Variants in ADAM7 observed in about 807,000 individuals in gnomAD.
The protein encoded by ADAM7 is disintegrin and metalloproteinase domain-containing protein 7.
Under a neutral mutation model 102.9 loss-of-function variants are expected in ADAM7, and 97 were observed. The observed-to-expected ratio is 0.94, with a 90% CI of 0.80 to 1.12. ADAM7 has a LOEUF of 1.12. Ranked by LOEUF, ADAM7 falls within the 50% of genes most tolerant of loss-of-function variation. The probability of loss-of-function intolerance (pLI) is 0.00; values close to 1 mark genes in which losing one functional copy is unlikely to be tolerated. For missense variants in ADAM7, 991 were observed against 908.7 expected, an observed-to-expected ratio of 1.09 and a Z score of -1.16; for synonymous variants, 334 against 304.4, an observed-to-expected ratio of 1.10 and a Z score of -1.01.
chr8:24,489,499 C>A (rs1015068117), intron 12 of ADAM7, among the ~76,000 whole-genome samples, 166 bp downstream of exon 12: 2 of 152,096 alleles, frequency 1.3e-5, no homozygotes, highest in African/African-American at 4.8e-5. Context: ...ATTGGTGCAG[C>A]CTCATTCCAG....
Position 24,447,236 on chromosome 8 carries a change from CT to C in ADAM7, c.209del (p.Leu70Ter). On this transcript the variant is annotated frameshift_variant, in exon 3 of 22. Coordinates refer to ENST00000175238, the MANE Select transcript of ADAM7 (RefSeq NM_003817.4). LOFTEE classifies it high-confidence loss of function. ...LYEIKLNRKT[L>X]VLHLLRSREF... ...ATGAAATAAAACTAAATAGAAAAACCTTAGTCCTTCATCTTCTAAGATCCAG... is the reference window on the plus strand; with the variant it reads ...ATGAAATAAAACTAAATAGAAAAACCTAGTCCTTCATCTTCTAAGATCCAG... The C allele has an allele frequency of 6.5e-7, 1 of 1,528,362 alleles. No individual in the cohort carries two copies. 94.7% of individuals were successfully genotyped at this position (1,528,362 alleles called of 1,614,324 possible).
intron 7 of ADAM7, among the ~76,000 whole-genome samples, chr8:24,474,205 C>T (rs1316887835): frequency 1.3e-5 from 2 of 152,032 alleles, no homozygotes; most frequent in East Asian, 3.9e-4. Flanking sequence ...TATAATTAAC[C>T]TATGAACAAA....
At chr8:24,481,631 C>G (rs1449515590) in intron 8 of ADAM7, among the ~76,000 whole-genome samples, 1 of 152,148 alleles carries the variant, frequency 6.6e-6, no homozygotes, top group Admixed American at 6.6e-5. Flanking sequence ...TTAGAGCAAC[C>G]CCTAATGACA....
At chr8:24,463,187 A>T (rs1819308103) in intron 3 of ADAM7, among the ~76,000 whole-genome samples, 1 of 152,184 alleles carries the variant, frequency 6.6e-6, no homozygotes, top group African/African-American at 2.4e-5. Context: ...TGATGGAGTC[A>T]GGATGTGTGT....
chr8:24,486,100 T>C (rs147437038), intron 10 of ADAM7, among the ~76,000 whole-genome samples: 2,697 of 152,300 alleles, frequency 0.018, 47 homozygotes, highest in Middle Eastern at 0.027. Context: ...TCATCTGATA[T>C]ATGCTGTTAG....
At position 24,509,118 on chromosome 8, in the gene ADAM7, T is replaced by C. The variant is rs1821038829; in HGVS notation, c.*572T>C. On this transcript the variant is annotated 3_prime_UTR_variant, in exon 22 of 22. Transcript: ENST00000175238. ...TGCAGGATAGTCCTTAAAATAATGG[T>C]GGTGGGAAAGGAAAACACAGAATGC... 1.0e-6 allele frequency: 1 copy of C among 985,158 alleles called. No homozygotes were observed. Among genetic ancestry groups the C allele is most frequent in the Non-Finnish European group, 1.2e-6 (1 of 829,942 alleles). The allele number at this position is 985,158 out of a possible 1,614,324, so 61.0% of individuals were successfully genotyped here.
intron 7 of ADAM7, among the ~76,000 whole-genome samples, chr8:24,470,396 A>C (rs1819565149): frequency 6.6e-6 from 1 of 152,130 alleles, no homozygotes; most frequent in African/African-American, 2.4e-5. Flanking sequence ...TTAAAACTTT[A>C]ATTGTAATCA....
rs761198575 is a variant in ADAM7, at chr8:24,482,128, T to A, written c.706-14T>A. 5.2e-6 allele frequency: 8 copies of A among 1,552,436 alleles called. No individual in the cohort carries two copies. In the African/African-American group the frequency reaches 1.1e-4, roughly 22 times the overall value. ...CAACTTGACTTTGTGAAAAATGATT[T>A]CTTCTTTGAACAGATTTATAAAACC... is the stretch of plus-strand genomic sequence containing the variant. On this transcript the variant is annotated splice_polypyrimidine_tract_variant and intron_variant, in intron 8 of 21. Transcript: ENST00000175238.
At chr8:24,485,788 A>T (rs1820121454) in intron 10 of ADAM7, among the ~76,000 whole-genome samples, 1 of 152,202 alleles carries the variant, frequency 6.6e-6, no homozygotes, top group African/African-American at 2.4e-5. Context: ...TTTAGAAAGC[A>T]TAAGACCTAA....
At chr8:24,454,973 T>A (rs1818973814) in intron 3 of ADAM7, among the ~76,000 whole-genome samples, 1 of 152,210 alleles carries the variant, frequency 6.6e-6, no homozygotes, top group South Asian at 2.1e-4. Context: ...TATTAATAGA[T>A]GAAGAGTTTT....
intron 15 of ADAM7, 70 bp downstream of exon 15, chr8:24,492,667 TC>T: frequency 9.0e-7 from 1 of 1,107,216 alleles, no homozygotes; most frequent in Non-Finnish European, 1.3e-6. Context: ...ATGGCTCCTG[TC>T]CCCAGACCTG....
rs780645220 is a variant in ADAM7 at position 24,507,587 on chromosome 8, C to G, written c.2264+52C>G. The G allele has an allele frequency of 4.8e-6, 7 of 1,449,392 alleles. No individual in the cohort carries two copies. In the East Asian group the frequency reaches 1.6e-4, roughly 33 times the overall value. The allele number at this position is 1,449,392 out of a possible 1,614,324, so 89.8% of individuals were successfully genotyped here. A position where few individuals can be genotyped will look rare whatever the true frequency, so the allele number is the denominator to read the frequency against. ...CCCTTTTTTATTTTTCAAATGCTGG[C>G]ATAGTTTTGTGTTCTTTACCAACTC... On this transcript the variant is annotated intron_variant, in intron 21 of 21. Transcript: ENST00000175238.
At position 24,442,495 on chromosome 8, in the gene ADAM7, G is replaced by T. The variant is rs771665639; in HGVS notation, c.75G>T (p.Glu25Asp). ...QVKEKFILGV[E>D]GQQLVRPKKL... Reference sequence around the variant, plus strand: ...TAGAAAAGTTCATCCTTGGAGTAGAGGGTCAACAACTGGTTCGTCCTAAAA... The same window carrying T: ...TAGAAAAGTTCATCCTTGGAGTAGATGGTCAACAACTGGTTCGTCCTAAAA... The change falls in exon 2 of 22, where the codon GAG becomes GAT. Residue 25 changes from glutamate (E) to aspartate (D), a missense_variant. Transcript: ENST00000175238. 5.0e-6 allele frequency: 8 copies of T among 1,613,822 alleles called. No homozygotes were observed. In the Admixed American group the frequency reaches 1.2e-4, roughly 24 times the overall value.
At chr8:24,472,168 T>A (rs1819629320) in intron 7 of ADAM7, among the ~76,000 whole-genome samples, 1 of 150,644 alleles carries the variant, frequency 6.6e-6, no homozygotes, top group African/African-American at 2.4e-5. Flanking sequence ...GGGTATTTTT[T>A]AGCTCCTCTC....
chr8:24,463,873 C>T lies in ADAM7; in HGVS notation c.234-9C>T. ...ACAAATCTCACCACCTGTCTGCCCT[C>T]TTTTTCAGGGAGTTCCTAGGCTCAA... On this transcript the variant is annotated splice_polypyrimidine_tract_variant and intron_variant, in intron 3 of 21. Coordinates refer to ENST00000175238, the MANE Select transcript of ADAM7 (RefSeq NM_003817.4). 6.2e-7 allele frequency: 1 copy of T among 1,611,832 alleles called. No individual in the cohort carries two copies. The highest frequency in any genetic ancestry group is 8.5e-7 in the Non-Finnish European group (1 of 1,178,292).
rs1821048439 is a variant in ADAM7, at chr8:24,509,559, G to A, written c.*1013G>A. ...AAATAAATAAAGGCTACAAAAGAAG[G>A]AAGAAAGGCTGTTGTCCTTGTTGAC... is the stretch of plus-strand genomic sequence containing the variant. On this transcript the variant is annotated 3_prime_UTR_variant, in exon 22 of 22. Transcript: ENST00000175238. 2.0e-6 allele frequency: 2 copies of A among 984,512 alleles called. No individual in the cohort carries two copies. The highest frequency in any genetic ancestry group is 2.4e-6 in the Non-Finnish European group (2 of 829,148). 61.0% of individuals were successfully genotyped at this position (984,512 alleles called of 1,614,324 possible).
At chr8:24,492,877 C>T (rs778377425) in intron 15 of ADAM7, among the ~76,000 whole-genome samples, 166 bp from the exon 16 acceptor site, 1 of 151,928 alleles carries the variant, frequency 6.6e-6, no homozygotes, top group South Asian at 2.1e-4. Context: ...CATCTCAGTT[C>T]CCAGGGCCAA....
At position 24,441,103 on chromosome 8, in the gene ADAM7, C is replaced by T. The variant is rs947418133; in HGVS notation, c.-6C>T. The T allele has an allele frequency of 5.0e-6, 8 of 1,613,156 alleles. No homozygotes were observed. In the African/African-American group the frequency reaches 8.0e-5, roughly 16 times the overall value. ...CTTCTGCTCTCCTCTACCAGAATCACTCAGAATGCTTCCCGGGTGTATATT... is the reference window on the plus strand; with the variant it reads ...CTTCTGCTCTCCTCTACCAGAATCATTCAGAATGCTTCCCGGGTGTATATT... On this transcript the variant is annotated 5_prime_UTR_variant, in exon 1 of 22. Transcript: ENST00000175238.
Position 24,463,875 on chromosome 8 carries a change from T to C in ADAM7, c.234-7T>C. The C allele has an allele frequency of 6.2e-7, 1 of 1,612,464 alleles. No homozygotes were observed. The highest frequency in any genetic ancestry group is 1.7e-4 in the Middle Eastern group (1 of 6,058). On this transcript the variant is annotated splice_polypyrimidine_tract_variant and splice_region_variant and intron_variant, in intron 3 of 21. Transcript: ENST00000175238. ...AAATCTCACCACCTGTCTGCCCTCT[T>C]TTTCAGGGAGTTCCTAGGCTCAAAT... is the stretch of plus-strand genomic sequence containing the variant.
Sources: gnomAD v4.1 joint callset for allele counts (sites outside exome capture counted in the v4.1 genomes callset) on GRCh38, gnomAD v4.1.1 for gene constraint, MANE v1.5 for transcripts, NCBI Gene and HGNC (gene_info 2026-07-23, HGNC 2026-07-21) for gene names.